DRC8: variants seen among roughly 807,000 people sequenced by gnomAD.
DRC8 encodes the protein dynein regulatory complex protein 8.
the DRC8 span, among the ~76,000 whole-genome samples, chr1:245,037,949 C>T: frequency 6.6e-6 from 1 of 152,038 alleles, no homozygotes; most frequent in Non-Finnish European, 1.5e-5. Context: ...ATAAATGCTA[C>T]ATAATTCAGA....
chr1:244,998,111 G>A, the DRC8 span, among the ~76,000 whole-genome samples: 3 of 152,122 alleles, frequency 2.0e-5, no homozygotes, highest in African/African-American at 2.4e-5. Flanking sequence ...CTTTTAGACT[G>A]TAAGACACTC....
the DRC8 span, among the ~76,000 whole-genome samples, chr1:245,025,618 C>T: frequency 1.3e-5 from 2 of 152,080 alleles, no homozygotes; most frequent in Non-Finnish European, 2.9e-5. Flanking sequence ...CTGTCCTGTT[C>T]CTATGCTTCA....
At chr1:245,059,404 C>A in the DRC8 span, 1 of 1,610,930 alleles carries the variant, frequency 6.2e-7, no homozygotes, top group South Asian at 1.1e-5. Context: ...GAACAATTAT[C>A]AGGTCATTAG....
the DRC8 span, among the ~76,000 whole-genome samples, chr1:245,101,237 T>A: frequency 1.3e-5 from 2 of 152,232 alleles, no homozygotes; most frequent in Non-Finnish European, 2.9e-5. Context: ...ACTCCCAATC[T>A]TTCTTTTATC....
At chr1:245,044,601 G>A in the DRC8 span, among the ~76,000 whole-genome samples, 7 of 151,062 alleles carry the variant, frequency 4.6e-5, no homozygotes, top group Non-Finnish European at 8.8e-5. Flanking sequence ...TTTTTGAGAC[G>A]GAGTCTCGTT....
At chr1:244,975,589 C>T in the DRC8 span, among the ~76,000 whole-genome samples, 5 of 152,178 alleles carry the variant, frequency 3.3e-5, no homozygotes, top group South Asian at 2.1e-4. Context: ...ATGCTGAGGC[C>T]GGCTCACGCC....
the DRC8 span, among the ~76,000 whole-genome samples, chr1:245,006,682 C>T: frequency 6.6e-6 from 1 of 152,110 alleles, no homozygotes; most frequent in East Asian, 1.9e-4. Context: ...GCCTGTAATC[C>T]CAGCACTTTG....
chr1:244,992,235 T>A, the DRC8 span, among the ~76,000 whole-genome samples: 452 of 152,310 alleles, frequency 3.0e-3, 2 homozygotes, highest in South Asian at 0.012. Context: ...TGGGCCACAT[T>A]TCCCTTAAAG....
chr1:245,012,421 A>G, the DRC8 span, among the ~76,000 whole-genome samples: 6 of 151,536 alleles, frequency 4.0e-5, no homozygotes, highest in Admixed American at 3.9e-4. Context: ...GAGTCATGAC[A>G]GAGAAATAAG....
the DRC8 span, among the ~76,000 whole-genome samples, chr1:245,037,844 CAA>C: frequency 6.6e-6 from 1 of 151,974 alleles, no homozygotes; most frequent in African/African-American, 2.4e-5. Context: ...CCTATACAAA[CAA>C]TGCCCAGTTG....
At chr1:245,110,049 G>A in the DRC8 span, among the ~76,000 whole-genome samples, 1 of 152,132 alleles carries the variant, frequency 6.6e-6, no homozygotes, top group Non-Finnish European at 1.5e-5. Context: ...GGCCAATTGC[G>A]TAACTGGAGT....
chr1:244,970,247 GGC>G, the DRC8 span: 388,996 of 730,702 alleles, frequency 0.53, 114,511 homozygotes, highest in East Asian at 0.71. Flanking sequence ...ACGGGGACAG[GGC>G]GCGCGCTCGG....
chr1:245,051,949 A>C, the DRC8 span, among the ~76,000 whole-genome samples: 1 of 152,144 alleles, frequency 6.6e-6, no homozygotes, highest in African/African-American at 2.4e-5. Flanking sequence ...AAAGTCAGCG[A>C]CTGTAAAGGT....
At chr1:245,118,839 A>AGAAAAGAAAAGAAAAG in the DRC8 span, among the ~76,000 whole-genome samples, 1 of 150,770 alleles carries the variant, frequency 6.6e-6, no homozygotes, top group South Asian at 2.1e-4. Flanking sequence ...AGAAAAGAAA[A>AGAAAAGAAAAGAAAAG]AAATAATGAT....
chr1:245,036,641 T>C, the DRC8 span, among the ~76,000 whole-genome samples: 1 of 152,208 alleles, frequency 6.6e-6, no homozygotes, highest in Non-Finnish European at 1.5e-5. Flanking sequence ...ATTTATAAAA[T>C]AGAATATTGT....
chr1:245,042,741 T>G, the DRC8 span, among the ~76,000 whole-genome samples: 2 of 152,220 alleles, frequency 1.3e-5, no homozygotes, highest in Non-Finnish European at 2.9e-5. Flanking sequence ...TTTTTTTTTG[T>G]CTCTTATAAT....
At chr1:245,026,718 T>C in the DRC8 span, among the ~76,000 whole-genome samples, 1 of 152,332 alleles carries the variant, frequency 6.6e-6, no homozygotes, top group Admixed American at 6.5e-5. Context: ...GAACTAAGAC[T>C]ACATGTGTAA....
At chr1:245,112,661 G>C in the DRC8 span, among the ~76,000 whole-genome samples, 1 of 152,068 alleles carries the variant, frequency 6.6e-6, no homozygotes, top group South Asian at 2.1e-4. Flanking sequence ...ACATTGTCGT[G>C]CAGCCATCAC....
chr1:245,079,228 A>C, the DRC8 span, among the ~76,000 whole-genome samples: 1 of 152,172 alleles, frequency 6.6e-6, no homozygotes. Context: ...TCTAGAGGAC[A>C]GTGTTGGGTC....
Sources: gnomAD v4.1 joint callset for allele counts (sites outside exome capture counted in the v4.1 genomes callset) on GRCh38, gnomAD v4.1.1 for gene constraint, MANE v1.5 for transcripts, NCBI Gene and HGNC (gene_info 2026-07-23, HGNC 2026-07-21) for gene names.